Variants in SBF2 observed in about 807,000 individuals in gnomAD.
The protein encoded by SBF2 is myotubularin-related protein 13.
A neutral mutation model predicts 225.2 loss-of-function variants in SBF2; 112 were observed. The ratio of observed to expected loss-of-function variants is 0.50; its 90% CI spans 0.43 to 0.58. SBF2 has a LOEUF of 0.58. SBF2 is among the 20% of genes least tolerant of loss of function. The pLI is 0.00. For synonymous variants in SBF2, 763 were observed against 773.3 expected (o/e 0.99, Z 0.22); for missense variants, 1,996 against 2,206.2 (o/e 0.90, Z 1.91).
At chr11:9,897,365 G>A (rs1015602600) in intron 16 of SBF2, among the ~76,000 whole-genome samples, 15 of 152,032 alleles carry the variant, frequency 9.9e-5, no homozygotes, top group African/African-American at 2.9e-4. Context: ...AGCCTCCCGA[G>A]TAGCTGGGAT....
At chr11:10,211,014 C>CAAAAAAAAAAAAAAAAAAAAG (rs1957924701) in intron 1 of SBF2, among the ~76,000 whole-genome samples, 1 of 33,054 alleles carries the variant, frequency 3.0e-5, no homozygotes, top group African/African-American at 8.1e-5. Context: ...ACTCTTGACT[C>CAAAAAAAAAAAAAAAAAAAAG]AAAAAAAAAA....
At chr11:9,967,951 C>CTG (rs1436383200) in intron 14 of SBF2, among the ~76,000 whole-genome samples, 2,481 of 97,240 alleles carry the variant, frequency 0.026, 81 homozygotes, top group Admixed American at 0.1. Flanking sequence ...CTGTCTGTCT[C>CTG]TCTCTCTCTC....
intron 1 of SBF2, among the ~76,000 whole-genome samples, chr11:10,202,296 G>A (rs1334914570): frequency 1.3e-5 from 2 of 152,162 alleles, no homozygotes; most frequent in African/African-American, 4.8e-5. Context: ...AATCACTCTA[G>A]TAGTTCAAAC....
chr11:10,231,421 T>C (rs1958838934), intron 1 of SBF2, among the ~76,000 whole-genome samples: 1 of 152,162 alleles, frequency 6.6e-6, no homozygotes, highest in Admixed American at 6.6e-5. Flanking sequence ...GCTCTGTTTT[T>C]TCCCCATCTT....
chr11:10,120,457 G>GA (rs1178669640), intron 2 of SBF2, among the ~76,000 whole-genome samples: 1 of 152,134 alleles, frequency 6.6e-6, no homozygotes, highest in African/African-American at 2.4e-5. Flanking sequence ...TGGAATTGTT[G>GA]AATCATTCAG....
At chr11:10,019,279 T>C (rs1948758371) in intron 6 of SBF2, among the ~76,000 whole-genome samples, 1 of 152,118 alleles carries the variant, frequency 6.6e-6, no homozygotes, top group South Asian at 2.1e-4. Context: ...ATTGGAACAG[T>C]TTTCGTTAGA....
chr11:10,141,148 G>C (rs1954621759), intron 2 of SBF2, among the ~76,000 whole-genome samples: 1 of 152,058 alleles, frequency 6.6e-6, no homozygotes. Flanking sequence ...GTGAATAAAA[G>C]CATAGAACCC....
At chr11:10,180,552 T>G (rs1035033975) in intron 2 of SBF2, among the ~76,000 whole-genome samples, 5 of 152,206 alleles carry the variant, frequency 3.3e-5, no homozygotes, top group African/African-American at 1.2e-4. Flanking sequence ...TGATATATTC[T>G]TCTTTGGATT....
Position 9,893,993 on chromosome 11 carries a change from C to T in SBF2, c.1929+1950G>A, listed in dbSNP as rs151303828. 5.3e-3 allele frequency among the ~76,000 whole-genome samples: 806 copies of T among 151,738 alleles called. 4 individuals are homozygous for T. The highest frequency in any genetic ancestry group is 7.6e-3 in the African/African-American group (315 of 41,328). The stretch of plus-strand genomic sequence containing the variant: ...AGGCGTGGTGGCTCACCACTGTAAT[C>T]GCAGCACTTTGTGAGGCCAAAGTGG... On this transcript the variant is annotated intron_variant, in intron 17 of 39. Coordinates refer to ENST00000256190, the MANE Select transcript of SBF2 (RefSeq NM_030962.4).
intron 1 of SBF2, among the ~76,000 whole-genome samples, chr11:10,280,427 A>G (rs967675533): frequency 1.3e-5 from 2 of 152,196 alleles, no homozygotes; most frequent in African/African-American, 4.8e-5. Context: ...TAAAATGGTC[A>G]CATCTATTCC....
chr11:10,044,393 A>AATGGCAAC (rs2134686783), intron 2 of SBF2: 1 of 154,568 alleles, frequency 6.5e-6, no homozygotes, highest in East Asian at 1.9e-4. Flanking sequence ...ATCCCATGTA[A>AATGGCAAC]ATGGCAATGT....
intron 17 of SBF2, among the ~76,000 whole-genome samples, chr11:9,863,992 G>A (rs1857977056): frequency 6.6e-6 from 1 of 151,998 alleles, no homozygotes; most frequent in South Asian, 2.1e-4. Context: ...CTATTTATGT[G>A]ACATCTAACA....
At chr11:9,790,786 G>T in intron 33 of SBF2, 103 bp from the exon 34 acceptor site, 2 of 909,806 alleles carry the variant, frequency 2.2e-6, no homozygotes, top group Non-Finnish European at 3.5e-6. Flanking sequence ...TATTTTTTAT[G>T]GCTTTAAAAA....
chr11:9,980,876 A>G (rs760222165), intron 13 of SBF2, among the ~76,000 whole-genome samples: 15 of 152,122 alleles, frequency 9.9e-5, no homozygotes, highest in Non-Finnish European at 1.9e-4. Context: ...ATAATTTTCT[A>G]TTTACCAAAA....
At chr11:10,137,329 T>C (rs1954422868) in intron 2 of SBF2, among the ~76,000 whole-genome samples, 1 of 152,230 alleles carries the variant, frequency 6.6e-6, no homozygotes, top group African/African-American at 2.4e-5. Flanking sequence ...CACATAATGA[T>C]GTCAACTACA....
chr11:9,978,578 CT>C (rs1183350959), intron 13 of SBF2, among the ~76,000 whole-genome samples: 1 of 152,178 alleles, frequency 6.6e-6, no homozygotes, highest in East Asian at 1.9e-4. Context: ...ACGATGATCA[CT>C]TTTAAAGTGT....
At chr11:9,828,847 G>A (rs1232405316) in intron 28 of SBF2, among the ~76,000 whole-genome samples, 3 of 152,034 alleles carry the variant, frequency 2.0e-5, no homozygotes, top group Admixed American at 2.0e-4. Context: ...TGGGAATAAA[G>A]GGTGACTTTA....
chr11:10,206,631 A>T (rs1052983210), intron 1 of SBF2, among the ~76,000 whole-genome samples: 4 of 152,134 alleles, frequency 2.6e-5, no homozygotes, highest in African/African-American at 9.6e-5. Context: ...AAAAATAGAA[A>T]TATCAGCACA....
chr11:10,184,933 A>T (rs1591164903), intron 2 of SBF2, among the ~76,000 whole-genome samples: 1 of 152,188 alleles, frequency 6.6e-6, no homozygotes, highest in Non-Finnish European at 1.5e-5. Context: ...TCACCGTGTT[A>T]GCCAGGATGG....
Sources: gnomAD v4.1 joint callset for allele counts (sites outside exome capture counted in the v4.1 genomes callset) on GRCh38, gnomAD v4.1.1 for gene constraint, MANE v1.5 for transcripts, NCBI Gene and HGNC (gene_info 2026-07-23, HGNC 2026-07-21) for gene names.